Variants in SPG7 observed in about 807,000 individuals in gnomAD.
SPG7 encodes the protein SPG7 matrix AAA peptidase subunit, paraplegin.
Under a neutral mutation model 81.9 loss-of-function variants are expected in SPG7, and 103 were observed. That is an observed-to-expected ratio of 1.26 (90% CI 1.07 to 1.48). The LOEUF (loss-of-function observed/expected upper bound fraction) is 1.48. Ranked by LOEUF, SPG7 falls within the 40% of genes most tolerant of loss-of-function variation. SPG7 has a pLI of 0.00. For missense variants in SPG7, 1,241 were observed against 1,087.3 expected (o/e 1.14, Z -1.99); for synonymous variants, 534 against 444.2 (o/e 1.20, Z -2.54).
At chr16:89,550,728 G>A (rs2058626488) in intron 13 of SPG7, 119 bp downstream of exon 13, 3 of 717,368 alleles carry the variant, frequency 4.2e-6, no homozygotes, top group Admixed American at 2.0e-5. Flanking sequence ...GGGGAGTCCC[G>A]CCTGTGTCTG....
At chr16:89,532,413 TTTGTTTTTTATTAACTGCCCA>T (rs1224310827) in intron 8 of SPG7, 29 bp from the exon 9 acceptor site, 1 of 1,604,762 alleles carries the variant, frequency 6.2e-7, no homozygotes. Flanking sequence ...AGGAAGAGGC[TTTGTTTTTTATTAACTGCCCA>T]TTTCCTGATT....
chr16:89,521,181 A>AG (rs1276520044), intron 3 of SPG7: 1 of 152,180 alleles, frequency 6.6e-6, no homozygotes, highest in Non-Finnish European at 1.5e-5. Flanking sequence ...CGGAGGCTAG[A>AG]GAGGGCTCAC....
chr16:89,550,975 A>T (rs2152411225), intron 13 of SPG7, among the ~76,000 whole-genome samples: 1 of 152,342 alleles, frequency 6.6e-6, no homozygotes, highest in African/African-American at 2.4e-5. Context: ...GTGTACATTT[A>T]AAAAATACTA....
chr16:89,551,418 A>T (rs1407385793), intron 13 of SPG7: 3 of 154,368 alleles, frequency 1.9e-5, no homozygotes, highest in African/African-American at 7.2e-5. Context: ...TTAATCAGAG[A>T]GCGTCCTGCC....
In SPG7 at chr16:89,525,425, G is replaced by A. The variant is rs949958337; in HGVS notation, c.619-904G>A. 7.2e-5 allele frequency among the ~76,000 whole-genome samples: 11 copies of A among 152,282 alleles called. No homozygotes were observed. In the South Asian group the frequency reaches 1.0e-3, roughly 14 times the overall value. ...TACAACACTATGCTCAGCTCTAGAC[G>A]AGTCACCTGATAAAACAGCTGCCTT... On this transcript the variant is annotated intron_variant, in intron 4 of 16. Transcript: ENST00000645818.
At chr16:89,529,333 C>T (rs1378641136) in intron 5 of SPG7, 144 bp from the exon 6 acceptor site, 1 of 686,350 alleles carries the variant, frequency 1.5e-6, no homozygotes, top group Non-Finnish European at 2.7e-6. Context: ...ATTTCCACAA[C>T]CATTTTAATC....
At chr16:89,529,215 G>A in intron 5 of SPG7, 1 of 544,716 alleles carries the variant, frequency 1.8e-6, no homozygotes, top group South Asian at 2.0e-5. Flanking sequence ...CCTGAACGTT[G>A]TTATTGTCAC....
In SPG7 at chr16:89,513,719, T is replaced by G. The variant is rs141526994; in HGVS notation, c.376+682T>G. Among the ~76,000 whole-genome samples, 624 of 147,852 alleles carry G rather than the reference T, an allele frequency of 4.2e-3. 2 individuals carry two copies. Among genetic ancestry groups the G allele is most frequent in the Middle Eastern group, 0.014 (4 of 294 alleles). ...GGTTGAACTCAGCTTCAGGAATGCTTTGCTTTTGGATCCTTGAGGCCTCTC... is the reference window on the plus strand; with the variant it reads ...GGTTGAACTCAGCTTCAGGAATGCTGTGCTTTTGGATCCTTGAGGCCTCTC... On this transcript the variant is annotated intron_variant, in intron 3 of 16. Transcript: ENST00000645818.
chr16:89,554,011 G>C, intron 15 of SPG7, 51 bp downstream of exon 15: 1 of 1,584,684 alleles, frequency 6.3e-7, no homozygotes, highest in Non-Finnish European at 8.6e-7. Flanking sequence ...CGGGGAGGGA[G>C]TCCCTGGGTC....
Position 89,554,582 on chromosome 16 carries a change from G to T in SPG7, c.2181+19G>T. ...GCAGGCGGTGAGGCCCTGGCCAGGC[G>T]TGGGGGCTACGGCGTCACACAGTGT... is the stretch of plus-strand genomic sequence containing the variant. On this transcript the variant is annotated intron_variant, in intron 16 of 16. Coordinates refer to ENST00000645818, the MANE Select transcript of SPG7 (RefSeq NM_003119.4). 6.3e-7 allele frequency: 1 copy of T among 1,584,238 alleles called. No homozygotes were observed. Among genetic ancestry groups the T allele is most frequent in the East Asian group, 2.2e-5 (1 of 44,690 alleles).
At position 89,524,538 on chromosome 16, in the gene SPG7, A is replaced by T. The variant is rs575051583; in HGVS notation, c.618+291A>T. On this transcript the variant is annotated intron_variant, in intron 4 of 16. Transcript: ENST00000645818. ...GGCTCACTGCAACATCTGCCTCCCG[A>T]GTTCAAGGGATTCTCCTGGCTCAGC... Among the ~76,000 whole-genome samples the T allele has an allele frequency of 3.9e-5, 6 of 152,214 alleles. No individual in the cohort carries two copies. The South Asian group carries it at 8.3e-4, about 21-fold the overall frequency.
intron 10 of SPG7, 187 bp downstream of exon 10, chr16:89,544,959 T>G: frequency 1.4e-6 from 1 of 691,052 alleles, no homozygotes; most frequent in Middle Eastern, 3.9e-4. Flanking sequence ...CCGGCTGCAC[T>G]CACTGCTGTG....
chr16:89,545,002 C>T (rs2058545691), intron 10 of SPG7: 1 of 594,750 alleles, frequency 1.7e-6, no homozygotes. Flanking sequence ...CCCTGGCAGA[C>T]CTGCCCAATG....
chr16:89,519,073 TC>T (rs887597706), intron 3 of SPG7: 11 of 151,906 alleles, frequency 7.2e-5, no homozygotes, highest in African/African-American at 2.4e-4. Context: ...AACCTCCACC[TC>T]CCGGGTTCAA....
At chr16:89,515,521 C>G (rs1258185028) in intron 3 of SPG7, among the ~76,000 whole-genome samples, 2 of 150,532 alleles carry the variant, frequency 1.3e-5, no homozygotes, top group Non-Finnish European at 3.0e-5. Context: ...CCCACTTCGG[C>G]CTCCCAAAGT....
rs910346051 is a variant in SPG7 at position 89,553,831 on chromosome 16, C to G, written c.1974C>G (p.Ala658=). The G allele has an allele frequency of 3.7e-6, 6 of 1,613,456 alleles. No homozygotes were observed. In the African/African-American group the frequency reaches 5.3e-5, roughly 14 times the overall value. The change falls in exon 15 of 17, where the codon GCC becomes GCG. Residue 658 remains alanine, a synonymous_variant. Transcript: ENST00000645818. The part of the protein sequence containing the change: ...QDDLRKVTRI[A]YSMVKQFGMA... ...ACCTGAGGAAGGTCACCCGCATCGC[C>G]TACTCCATGGTGAAGCAGTTTGGGA...
intron 15 of SPG7, 69 bp from the exon 16 acceptor site, chr16:89,554,417 C>T: frequency 1.8e-6 from 2 of 1,095,530 alleles, no homozygotes; most frequent in Non-Finnish European, 2.7e-6. Context: ...TCTGCCATTT[C>T]TTTTCTGTGC....
intron 2 of SPG7, among the ~76,000 whole-genome samples, 178 bp from the exon 3 acceptor site, chr16:89,512,770 T>C (rs2058039237): frequency 6.6e-6 from 1 of 152,234 alleles, no homozygotes; most frequent in Admixed American, 6.5e-5. Flanking sequence ...AATTAGGAAA[T>C]ACTGGACTAA....
chr16:89,552,625 C>T (rs2058646988), intron 13 of SPG7: 1 of 356,706 alleles, frequency 2.8e-6, no homozygotes, highest in Non-Finnish European at 5.5e-6. Context: ...TGCTCTGAAC[C>T]CTCAGTAGCT....
Sources: allele counts gnomAD v4.1 joint callset (sites outside exome capture counted in the v4.1 genomes callset), GRCh38; gene constraint gnomAD v4.1.1; transcripts MANE v1.5; gene names NCBI Gene and HGNC (gene_info 2026-07-23, HGNC 2026-07-21).